DNMBP: variants seen among roughly 807,000 people sequenced by gnomAD.
DNMBP encodes dynamin-binding protein.
DNMBP carries 87 observed loss-of-function variants against 150.0 expected under a neutral mutation model. The observed-to-expected ratio is 0.58, with a 90% confidence interval of 0.49 to 0.69. The LOEUF (loss-of-function observed/expected upper bound fraction) is 0.69, where lower values mean the gene tolerates loss of function less well. Ranked by LOEUF, DNMBP falls within the 30% of genes least tolerant of loss-of-function variation. The probability of loss-of-function intolerance (pLI) is 0.00; values close to 1 mark genes in which losing one functional copy is unlikely to be tolerated. For synonymous variants in DNMBP, 711 were observed against 750.4 expected, an observed-to-expected ratio of 0.95 and a Z score of 0.86; for missense variants, 1,774 against 1,949.0, an observed-to-expected ratio of 0.91 and a Z score of 1.69.
Position 99,956,084 on chromosome 10 carries a change from T to C in DNMBP, c.1390A>G (p.Met464Val), listed in dbSNP as rs545683775. 90 of 1,614,070 alleles carry C rather than the reference T, an allele frequency of 5.6e-5. No individual in the cohort carries two copies. The highest frequency in any genetic ancestry group is 7.0e-5 in the Non-Finnish European group (83 of 1,180,028). The stretch of plus-strand genomic sequence containing the variant: ...TGAAGAGTTTTTAGCTGGGAATACA[T>C]TCTTTTGGGAGGTAGGCTGGCATAG... Reference protein sequence around the residue: ...RDYASLPPKRMYSQLKTLQKP... With the variant: ...RDYASLPPKRVYSQLKTLQKP... Residue 464 changes from methionine (M) to valine (V), a missense_variant, in exon 4 of 17, where the codon ATG (methionine) becomes GTG (valine). Transcript: ENST00000324109.
rs1160423594 is a variant in DNMBP, at chr10:99,916,332, G to A, written c.2261-7186C>T. ...ACAAAAATTAGTTGGGCGTGGTGGC[G>A]TGTGCCTGTAATCCCAGCTACCCAG... On this transcript the variant is annotated intron_variant, in intron 4 of 16. Coordinates refer to ENST00000324109, the MANE Select transcript of DNMBP (RefSeq NM_015221.4). Among the ~76,000 whole-genome samples, 7 of 152,180 alleles carry A rather than the reference G, an allele frequency of 4.6e-5. No homozygotes were observed. The South Asian group carries it at 6.2e-4, about 14-fold the overall frequency.
intron 3 of DNMBP, among the ~76,000 whole-genome samples, chr10:99,965,268 T>G (rs1223565145): frequency 6.6e-6 from 1 of 152,138 alleles, no homozygotes; most frequent in Non-Finnish European, 1.5e-5. Context: ...AAGTAACTAG[T>G]CCAAGGTCAC....
In DNMBP at chr10:99,986,594, C is replaced by CAAAAAAAAAAAAAAAAAAAAA. The variant is rs747726572; in HGVS notation, c.-10-14481_-10-14461dup. On this transcript the variant is annotated intron_variant, in intron 1 of 16. Coordinates refer to ENST00000324109, the MANE Select transcript of DNMBP (RefSeq NM_015221.4). ...TGGGAGACAGAGCAAGACTCCGTCTCAAAAAAAAAAAAAAAAAAAAAAAAA... is the reference window on the plus strand; with the variant it reads ...TGGGAGACAGAGCAAGACTCCGTCTCAAAAAAAAAAAAAAAAAAAAAAAAAAAAAAAAAAAAAAAAAAAAAA... 1.5e-4 allele frequency among the ~76,000 whole-genome samples: 11 copies of CAAAAAAAAAAAAAAAAAAAAA among 74,168 alleles called. 1 individual carries two copies. The highest frequency in any genetic ancestry group is 5.6e-4 in the South Asian group (1 of 1,778). The allele number at this position is 74,168 out of a possible 152,430, so 48.7% of individuals were successfully genotyped here. A position where few individuals can be genotyped will look rare whatever the true frequency, so the allele number is the denominator to read the frequency against.
At position 99,879,747 on chromosome 10, in the gene DNMBP, C is replaced by T. The variant is rs571820747; in HGVS notation, c.4548+64G>A. 13 of 1,586,350 alleles carry T rather than the reference C, an allele frequency of 8.2e-6. No individual in the cohort carries two copies. In the South Asian group the frequency reaches 1.1e-4, roughly 13 times the overall value. ...AGGCAAGCCACTTCTGCCTCACCCC[C>T]GCTGGTACCCACAACACATCTGCTG... On this transcript the variant is annotated intron_variant, in intron 16 of 16. Transcript: ENST00000324109.
chr10:99,880,511 G>C (rs1036573320), intron 15 of DNMBP, 150 bp from the exon 16 acceptor site: 8 of 1,114,086 alleles, frequency 7.2e-6, no homozygotes, highest in African/African-American at 1.6e-5. Flanking sequence ...AATAGTGAGA[G>C]ACACAAAATA....
chr10:99,888,116 C>T (rs1282231256), intron 12 of DNMBP, among the ~76,000 whole-genome samples: 6 of 152,122 alleles, frequency 3.9e-5, no homozygotes, highest in Admixed American at 1.3e-4. Flanking sequence ...AGCCACCATG[C>T]CCGGACTTAA....
intron 1 of DNMBP, among the ~76,000 whole-genome samples, chr10:100,002,160 C>T (rs2041020751): frequency 6.6e-6 from 1 of 152,148 alleles, no homozygotes; most frequent in African/African-American, 2.4e-5. Context: ...CCTCAACATG[C>T]TCCCCCACCC....
intron 3 of DNMBP, among the ~76,000 whole-genome samples, chr10:99,961,267 C>CTTTTTTTTT (rs555063019): frequency 3.5e-5 from 3 of 84,754 alleles, no homozygotes; most frequent in African/African-American, 4.7e-5. Context: ...TTCCCTTTTT[C>CTTTTTTTTT]TTTTTTTTTT....
chr10:99,904,578 T>G (rs542562885), intron 6 of DNMBP, among the ~76,000 whole-genome samples: 22 of 152,216 alleles, frequency 1.4e-4, no homozygotes, highest in East Asian at 3.9e-4. Context: ...GGCCTTCCGT[T>G]AGAGCCACCG....
intron 11 of DNMBP, chr10:99,889,232 C>T (rs546191531): frequency 1.6e-5 from 4 of 250,264 alleles, no homozygotes; most frequent in East Asian, 1.8e-4. Context: ...TCTTAATTTA[C>T]CAAAAAGCAA....
Position 99,933,341 on chromosome 10 carries a change from G to A in DNMBP, c.2260+21873C>T, listed in dbSNP as rs190834538. 1.1e-3 allele frequency among the ~76,000 whole-genome samples: 167 copies of A among 152,126 alleles called. 4 individuals are homozygous for A. The East Asian group carries it at 0.028, about 26-fold the overall frequency. On this transcript the variant is annotated intron_variant, in intron 4 of 16. Transcript: ENST00000324109. ...TGAATTTTAAAATAAAAGGGGTATT[G>A]AACTAAATAATCTCTAAAGTACTTT...
At chr10:99,991,944 G>A (rs116646301) in intron 1 of DNMBP, among the ~76,000 whole-genome samples, 2,480 of 149,088 alleles carry the variant, frequency 0.017, 36 homozygotes, top group African/African-American at 0.037. Context: ...AGCTTAGAGC[G>A]TATGTAAGTT....
intron 4 of DNMBP, among the ~76,000 whole-genome samples, chr10:99,932,129 A>C (rs951846332): frequency 8.5e-5 from 13 of 152,236 alleles, no homozygotes; most frequent in African/African-American, 3.1e-4. Flanking sequence ...GGCCTTAATA[A>C]GATTACTCTT....
At chr10:99,995,055 A>C (rs1400725300) in intron 1 of DNMBP, among the ~76,000 whole-genome samples, 3 of 142,560 alleles carry the variant, frequency 2.1e-5, no homozygotes, top group Non-Finnish European at 3.1e-5. Flanking sequence ...GCTTGAAAAC[A>C]ATTTTTTTTT....
chr10:99,903,340 GTTTTT>G, intron 6 of DNMBP, among the ~76,000 whole-genome samples: 1 of 148,908 alleles, frequency 6.7e-6, no homozygotes, highest in African/African-American at 2.5e-5. Context: ...TTTTTGTTTT[GTTTTT>G]TTTTAAGAGA....
chr10:99,895,299 G>A (rs117313119), intron 10 of DNMBP, among the ~76,000 whole-genome samples: 4,451 of 152,052 alleles, frequency 0.029, 99 homozygotes, highest in Admixed American at 0.041. Flanking sequence ...GCTCATTTTT[G>A]TATTACTAGT....
chr10:99,947,373 T>C (rs1024140592), intron 4 of DNMBP, among the ~76,000 whole-genome samples: 3 of 152,198 alleles, frequency 2.0e-5, no homozygotes, highest in African/African-American at 4.8e-5. Flanking sequence ...TAAAATAGTA[T>C]GTAGCCACAA....
At chr10:99,889,012 T>A (rs1564717663) in intron 11 of DNMBP, 59 bp from the exon 12 acceptor site, 3 of 1,601,554 alleles carry the variant, frequency 1.9e-6, no homozygotes, top group Admixed American at 1.7e-5. Context: ...GCTTTTGTCA[T>A]ACATTCCAAG....
intron 1 of DNMBP, among the ~76,000 whole-genome samples, chr10:99,994,322 T>C (rs563857748): frequency 1.1e-4 from 16 of 152,314 alleles, no homozygotes; most frequent in Middle Eastern, 3.4e-3. Context: ...AGGTAAAACA[T>C]TTAATACATT....
Sources: gnomAD v4.1 joint callset for allele counts (sites outside exome capture counted in the v4.1 genomes callset) on GRCh38, gnomAD v4.1.1 for gene constraint, MANE v1.5 for transcripts, NCBI Gene and HGNC (gene_info 2026-07-23, HGNC 2026-07-21) for gene names.